Variants in SLC9A9 observed in about 807,000 individuals in gnomAD.
SLC9A9 encodes solute carrier family 9 member A9.
Under a neutral mutation model 77.8 loss-of-function variants are expected in SLC9A9, and 62 were observed. The observed-to-expected ratio is 0.80, with a 90% CI of 0.65 to 0.98. SLC9A9 has a LOEUF of 0.98. Among genes scored for constraint, SLC9A9 ranks in the 50% least tolerant of loss-of-function variants. The pLI is 0.00. For synonymous variants in SLC9A9, 320 were observed against 283.5 expected (o/e 1.13, Z -1.29); for missense variants, 775 against 774.9 (o/e 1.00, Z 0.00).
chr3:143,755,648 T>TCTTTCTTTA, intron 4 of SLC9A9, among the ~76,000 whole-genome samples: 1 of 152,166 alleles, frequency 6.6e-6, no homozygotes, highest in Non-Finnish European at 1.5e-5. Context: ...GATAGAAATA[T>TCTTTCTTTA]GGCAGGATTG....
intron 6 of SLC9A9, among the ~76,000 whole-genome samples, chr3:143,640,019 C>CTTTTTTTT (rs10575577): frequency 6.4e-5 from 8 of 124,148 alleles, no homozygotes; most frequent in East Asian, 2.3e-4. Flanking sequence ...CTTTTTTTTT[C>CTTTTTTTT]TTTTTTTTTT....
In SLC9A9 at chr3:143,848,159, G is replaced by A. The variant is rs1281234044; in HGVS notation, c.164C>T (p.Ala55Val). 6.2e-7 allele frequency: 1 copy of A among 1,613,690 alleles called. No homozygotes were observed. The highest frequency in any genetic ancestry group is 8.5e-7 in the Non-Finnish European group (1 of 1,179,708). Residue 55 changes from alanine to valine, a missense_variant, in exon 1 of 16, where the codon GCA (alanine) becomes GTA (valine). Transcript: ENST00000316549. ...ATTTATGCACTCACCATACACCATT[G>A]CTCCTCCAGTTTCATGCAAGAAGCG... ...RFRFLHETGG[A>V]MVYGLIMGLI...
chr3:143,539,911 C>T (rs2036657818), intron 9 of SLC9A9, among the ~76,000 whole-genome samples: 1 of 151,436 alleles, frequency 6.6e-6, no homozygotes, highest in African/African-American at 2.4e-5. Flanking sequence ...TGCAAGTGAG[C>T]ACTATCTTTT....
At chr3:143,847,325 A>T (rs1421442212) in intron 1 of SLC9A9, among the ~76,000 whole-genome samples, 1 of 152,208 alleles carries the variant, frequency 6.6e-6, no homozygotes, top group Non-Finnish European at 1.5e-5. Flanking sequence ...CATCAGTAAC[A>T]CCAGTAAAAA....
chr3:143,848,428 G>T lies in SLC9A9; in HGVS notation c.-106C>A. 6.9e-7 allele frequency: 1 copy of T among 1,452,200 alleles called. No individual in the cohort carries two copies. The highest frequency in any genetic ancestry group is 9.6e-7 in the Non-Finnish European group (1 of 1,038,826). The allele number at this position is 1,452,200 out of a possible 1,614,324, so 90.0% of individuals were successfully genotyped here. ...GCCTGAGAATTTCAGAAGAAACACT[G>T]CCACTTTAGTTGCTACTTCACAAGC... On this transcript the variant is annotated 5_prime_UTR_variant, in exon 1 of 16. Coordinates refer to ENST00000316549, the MANE Select transcript of SLC9A9 (RefSeq NM_173653.4).
chr3:143,399,846 TTCAC>T (rs1199510175), intron 12 of SLC9A9, among the ~76,000 whole-genome samples: 5 of 152,146 alleles, frequency 3.3e-5, no homozygotes, highest in Non-Finnish European at 7.4e-5. Context: ...CATTCTCTCC[TTCAC>T]TCACTAACTC....
intron 14 of SLC9A9, among the ~76,000 whole-genome samples, chr3:143,337,967 A>G (rs2031977834): frequency 6.6e-6 from 1 of 152,198 alleles, no homozygotes; most frequent in African/African-American, 2.4e-5. Flanking sequence ...GGAAAAAGGT[A>G]AAAGAAGAAA....
At chr3:143,333,995 AG>A in intron 14 of SLC9A9, among the ~76,000 whole-genome samples, 1 of 152,190 alleles carries the variant, frequency 6.6e-6, no homozygotes, top group African/African-American at 2.4e-5. Flanking sequence ...TGATTAGAAT[AG>A]TTTTGCTTTT....
At chr3:143,691,869 A>T (rs1290739334) in intron 5 of SLC9A9, among the ~76,000 whole-genome samples, 1 of 152,134 alleles carries the variant, frequency 6.6e-6, no homozygotes, top group African/African-American at 2.4e-5. Context: ...CATTGCAACG[A>T]GTAATAAAAG....
chr3:143,712,353 G>A (rs1934220776), intron 4 of SLC9A9, among the ~76,000 whole-genome samples: 1 of 152,180 alleles, frequency 6.6e-6, no homozygotes, highest in Non-Finnish European at 1.5e-5. Context: ...ATGAAACTGA[G>A]GTTCAGAGGA....
At chr3:143,834,009 G>A (rs1436268733) in intron 1 of SLC9A9, among the ~76,000 whole-genome samples, 2 of 152,206 alleles carry the variant, frequency 1.3e-5, no homozygotes, top group East Asian at 3.8e-4. Flanking sequence ...ACTATTGAAA[G>A]ATTTTAGGCA....
chr3:143,657,443 G>T (rs1463759585), intron 5 of SLC9A9, among the ~76,000 whole-genome samples: 1 of 152,172 alleles, frequency 6.6e-6, no homozygotes, highest in Non-Finnish European at 1.5e-5. Context: ...AAGCTCTTAT[G>T]CCCCAGAGCA....
chr3:143,699,648 G>A (rs918834579), intron 4 of SLC9A9, among the ~76,000 whole-genome samples: 3 of 152,174 alleles, frequency 2.0e-5, no homozygotes, highest in Non-Finnish European at 2.9e-5. Flanking sequence ...CTTAGCCAGA[G>A]AGGAATTGCC....
intron 14 of SLC9A9, among the ~76,000 whole-genome samples, chr3:143,350,557 A>G (rs1221385715): frequency 6.6e-6 from 1 of 152,100 alleles, no homozygotes; most frequent in Non-Finnish European, 1.5e-5. Context: ...AATTTTCCAC[A>G]TTTGCACCTT....
Position 143,538,387 on chromosome 3 carries a change from G to A in SLC9A9, c.1089+13975C>T, listed in dbSNP as rs114080254. ...GGAAGAATAGTAGTGTTTTCCCTAG[G>A]GGATACTGCAAATTATTAAGTTATG... On this transcript the variant is annotated intron_variant, in intron 9 of 15. Transcript: ENST00000316549. Among the ~76,000 whole-genome samples the A allele has an allele frequency of 3.5e-3, 532 of 152,214 alleles. 1 individual carries two copies. The highest frequency in any genetic ancestry group is 0.012 in the African/African-American group (501 of 41,526).
At chr3:143,572,037 A>G (rs1314201626) in intron 8 of SLC9A9, among the ~76,000 whole-genome samples, 1 of 152,134 alleles carries the variant, frequency 6.6e-6, no homozygotes, top group African/African-American at 2.4e-5. Flanking sequence ...ACAGCCATGG[A>G]CACTTGGATC....
At chr3:143,314,876 G>T (rs1387145198) in intron 14 of SLC9A9, among the ~76,000 whole-genome samples, 2 of 152,216 alleles carry the variant, frequency 1.3e-5, no homozygotes, top group Non-Finnish European at 2.9e-5. Context: ...TAACCTCAGA[G>T]CCTCCCTTGA....
At chr3:143,297,512 A>G (rs772866403) in intron 14 of SLC9A9, among the ~76,000 whole-genome samples, 28 of 152,094 alleles carry the variant, frequency 1.8e-4, no homozygotes, top group Non-Finnish European at 3.2e-4. Context: ...AGCTTTGGCT[A>G]TTCTTGGTCT....
chr3:143,721,000 A>G (rs923917697), intron 4 of SLC9A9, among the ~76,000 whole-genome samples: 2 of 152,212 alleles, frequency 1.3e-5, no homozygotes, highest in Non-Finnish European at 2.9e-5. Flanking sequence ...CTTGAGCCCT[A>G]GAGTTCGAGA....
Sources: gnomAD v4.1 joint callset for allele counts (sites outside exome capture counted in the v4.1 genomes callset) on GRCh38, gnomAD v4.1.1 for gene constraint, MANE v1.5 for transcripts, NCBI Gene and HGNC (gene_info 2026-07-23, HGNC 2026-07-21) for gene names.